Variants in COL5A1 observed in about 807,000 individuals in gnomAD.
The protein encoded by COL5A1 is collagen alpha-1(V) chain.
Under a neutral mutation model 263.7 loss-of-function variants are expected in COL5A1, and 16 were observed. The ratio of observed to expected loss-of-function variants is 0.06; its 90% CI spans 0.04 to 0.09. COL5A1 has a LOEUF of 0.09. COL5A1 is among the 10% of genes least tolerant of loss of function. The pLI, the probability that COL5A1 is intolerant of heterozygous loss-of-function variation, is 1.00. For missense variants in COL5A1, 2,036 were observed against 2,540.5 expected, an observed-to-expected ratio of 0.80 and a Z score of 4.27; for synonymous variants, 1,012 against 1,004.5, an observed-to-expected ratio of 1.01 and a Z score of -0.14.
chr9:134,775,708 T>A (rs1463753818), intron 27 of COL5A1, among the ~76,000 whole-genome samples: 1 of 152,232 alleles, frequency 6.6e-6, no homozygotes, highest in African/African-American at 2.4e-5. Flanking sequence ...AGGCTCATGA[T>A]GATTCTTTCC....
intron 27 of COL5A1, among the ~76,000 whole-genome samples, chr9:134,778,069 G>C (rs904234951): frequency 2.0e-5 from 3 of 152,154 alleles, no homozygotes; most frequent in Non-Finnish European, 4.4e-5. Flanking sequence ...TCTTGGTGGG[G>C]TTCTGGGGCT....
chr9:134,761,216 C>T (rs753190393), intron 18 of COL5A1, among the ~76,000 whole-genome samples: 3 of 146,372 alleles, frequency 2.0e-5, no homozygotes, highest in Non-Finnish European at 4.4e-5. Context: ...CACAGGCATA[C>T]ACATGCACAC....
At chr9:134,823,498 G>A in intron 61 of COL5A1, 29 bp downstream of exon 61, 1 of 1,612,602 alleles carries the variant, frequency 6.2e-7, no homozygotes, top group Non-Finnish European at 8.5e-7. Flanking sequence ...CCAGAAAGCG[G>A]GACGGGGGCT....
At chr9:134,808,162 A>G (rs796876578) in intron 42 of COL5A1, among the ~76,000 whole-genome samples, 2 of 152,312 alleles carry the variant, frequency 1.3e-5, no homozygotes, top group African/African-American at 4.8e-5. Flanking sequence ...GTAAGACGAA[A>G]TAGTGATGGA....
rs534184339 is a variant in COL5A1 at position 134,686,356 on chromosome 9, C to T, written c.110-4556C>T. Among the ~76,000 whole-genome samples, 6 of 152,234 alleles carry T rather than the reference C, an allele frequency of 3.9e-5. No homozygotes were observed. The South Asian group carries it at 6.2e-4, about 16-fold the overall frequency. ...GCAACCTCCACCACCCAGGGTCAAACGAGCCTCACACCTCAGCCCCTCAGT... is the reference window on the plus strand; with the variant it reads ...GCAACCTCCACCACCCAGGGTCAAATGAGCCTCACACCTCAGCCCCTCAGT... On this transcript the variant is annotated intron_variant, in intron 1 of 65. Coordinates refer to ENST00000371817, the MANE Select transcript of COL5A1 (RefSeq NM_000093.5). The surrounding 1 kb of genome is among the most constrained non-coding windows in gnomAD (Gnocchi z 4.6).
At chr9:134,702,503 A>G (rs1197957041) in intron 4 of COL5A1, among the ~76,000 whole-genome samples, 2 of 152,104 alleles carry the variant, frequency 1.3e-5, no homozygotes, top group East Asian at 3.9e-4. Context: ...CGGGGTCACC[A>G]AACCAGACAC....
intron 57 of COL5A1, among the ~76,000 whole-genome samples, chr9:134,819,828 C>CA (rs567504824): frequency 1.2e-4 from 18 of 152,346 alleles, no homozygotes; most frequent in African/African-American, 4.3e-4. Flanking sequence ...AAGAGAAAGA[C>CA]AGAGATAAAC....
Position 134,811,386 on chromosome 9 carries a change from C to G in COL5A1, c.3576C>G (p.Gly1192=). Residue 1192 remains glycine (G), a synonymous_variant, in exon 45 of 66, where the codon GGC becomes GGG. Transcript: ENST00000371817. ...CTCAAGGCCCCATCGGACAGCCAGG[C>G]CCCTCTGTGAGTATCCATGGTCAAT... is the stretch of plus-strand genomic sequence containing the variant. ...TGPQGPIGQP[G]PSGADGEPGP... 1.2e-6 allele frequency: 2 copies of G among 1,613,416 alleles called. No individual in the cohort carries two copies. The highest frequency in any genetic ancestry group is 1.7e-6 in the Non-Finnish European group (2 of 1,179,808).
intron 16 of COL5A1, among the ~76,000 whole-genome samples, chr9:134,756,328 C>A (rs1295551578): frequency 6.6e-6 from 1 of 152,214 alleles, no homozygotes; most frequent in African/African-American, 2.4e-5. Flanking sequence ...CAGATGTGTC[C>A]TTTCTCTCTT....
At position 134,642,371 on chromosome 9, in the gene COL5A1, C is replaced by T; in HGVS notation, c.109+75C>T. 3.0e-6 allele frequency: 1 copy of T among 329,176 alleles called. No homozygotes were observed. The highest frequency in any genetic ancestry group is 5.0e-6 in the Non-Finnish European group (1 of 198,118). The allele number at this position is 329,176 out of a possible 1,614,324, so 20.4% of individuals were successfully genotyped here. A position where few individuals can be genotyped will look rare whatever the true frequency, so the allele number is the denominator to read the frequency against. On this transcript the variant is annotated intron_variant, in intron 1 of 65. Transcript: ENST00000371817. The surrounding 1 kb of genome is among the most constrained non-coding windows in gnomAD (Gnocchi z 4.5). ...GGGCGCCGCTGTCATCCCCGGGCGC[C>T]TTCGCCCGCAGAACTTTTCTTCCTT...
At chr9:134,706,412 A>G (rs10858273) in intron 4 of COL5A1, among the ~76,000 whole-genome samples, 76,030 of 151,962 alleles carry the variant, frequency 0.5, 19,390 homozygotes, top group Admixed American at 0.64. Context: ...TTTCAGAAAC[A>G]TGGCCTCAGT....
chr9:134,830,971 C>G (rs1564184624), intron 64 of COL5A1, among the ~76,000 whole-genome samples: 1 of 152,242 alleles, frequency 6.6e-6, no homozygotes, highest in Admixed American at 6.5e-5. Context: ...TTCCAGAACA[C>G]AAGACGGGTT....
chr9:134,695,801 T>G (rs1833439809), intron 2 of COL5A1, among the ~76,000 whole-genome samples: 1 of 152,174 alleles, frequency 6.6e-6, no homozygotes, highest in Non-Finnish European at 1.5e-5. Context: ...GCAGTAAGTT[T>G]GGGTCCAGGC....
At position 134,696,138 on chromosome 9, in the gene COL5A1, C is replaced by T. The variant is rs939540056; in HGVS notation, c.278-3771C>T. Among the ~76,000 whole-genome samples the T allele has an allele frequency of 3.9e-5, 6 of 152,116 alleles. No individual in the cohort carries two copies. The highest frequency in any genetic ancestry group is 1.4e-4 in the African/African-American group (6 of 41,412). ...TTCCTATCCTCTGACCTCTTTCTGC[C>T]ACCCTGCCCCACTGCCCCCTGCATT... On this transcript the variant is annotated intron_variant, in intron 2 of 65. Coordinates refer to ENST00000371817, the MANE Select transcript of COL5A1 (RefSeq NM_000093.5). The surrounding 1 kb of genome is among the most constrained non-coding windows in gnomAD (Gnocchi z 4.3).
rs148669237 is a variant in COL5A1 at position 134,820,133 on chromosome 9, C to T, written c.4464C>T (p.Ile1488=). The T allele has an allele frequency of 2.4e-5, 38 of 1,613,836 alleles. No homozygotes were observed. Among genetic ancestry groups the T allele is most frequent in the Admixed American group, 6.7e-5 (4 of 60,010 alleles). ...PKGEKGHPGL[I]GLIGPPGEQG... is the part of the protein sequence containing the mutation. ...TCCCACAGGGTCATCCAGGCCTGAT[C>T]GGGCTCATCGGTCCTCCGGGTGAAC... The change falls in exon 58 of 66, where the codon ATC becomes ATT. Residue 1488 remains isoleucine (I), a synonymous_variant. Coordinates refer to ENST00000371817, the MANE Select transcript of COL5A1 (RefSeq NM_000093.5).
chr9:134,753,800 T>TA, intron 14 of COL5A1, 50 bp from the exon 15 acceptor site: 1 of 1,388,902 alleles, frequency 7.2e-7, no homozygotes, highest in Non-Finnish European at 1.0e-6. Context: ...CTTCCTGTGT[T>TA]CTCGAGTCCC....
chr9:134,749,386 T>C (rs1324127196), intron 11 of COL5A1, among the ~76,000 whole-genome samples: 1 of 152,218 alleles, frequency 6.6e-6, no homozygotes, highest in African/African-American at 2.4e-5. Context: ...AAGGGACCTT[T>C]CACTTTCACT....
intron 63 of COL5A1, among the ~76,000 whole-genome samples, chr9:134,828,454 ACG>A (rs1491053009): frequency 5.9e-5 from 8 of 135,980 alleles, no homozygotes; most frequent in Non-Finnish European, 1.1e-4. Context: ...ACACACACAC[ACG>A]CAGATGCACA....
intron 11 of COL5A1, among the ~76,000 whole-genome samples, chr9:134,746,243 A>G (rs1835508334): frequency 6.6e-6 from 1 of 152,138 alleles, no homozygotes; most frequent in Non-Finnish European, 1.5e-5. Flanking sequence ...GCCTGGACAG[A>G]ACCACATGCA....
Sources: gnomAD v4.1 joint callset for allele counts (sites outside exome capture counted in the v4.1 genomes callset) on GRCh38, gnomAD v4.1.1 for gene constraint, Gnocchi (gnomAD v3.1) non-coding constraint, MANE v1.5 for transcripts, NCBI Gene and HGNC (gene_info 2026-07-23, HGNC 2026-07-21) for gene names.